The following RPL37 variants were observed in gnomAD, a reference collection of about 807,000 sequenced individuals.
RPL37 encodes ribosomal protein L37.
RPL37 carries 1 observed loss-of-function variant against 14.8 expected under a neutral mutation model. The observed-to-expected ratio is 0.07, with a 90% CI of 0.02 to 0.32. RPL37 has a LOEUF of 0.32. Ranked by LOEUF, RPL37 falls within the 10% of genes least tolerant of loss-of-function variation. RPL37 has a pLI of 1.00. For missense variants in RPL37, 100 were observed against 128.3 expected (o/e 0.78, Z 1.06); for synonymous variants, 53 against 45.8 (o/e 1.16, Z -0.63).
chr5:40,833,724 TTTAA>T (rs905571066), intron 3 of RPL37, among the ~76,000 whole-genome samples: 1 of 152,202 alleles, frequency 6.6e-6, no homozygotes, highest in African/African-American at 2.4e-5. Context: ...GCTCCTGTTA[TTTAA>T]TTTATACTAC....
chr5:40,835,138 G>A (rs1745737639), intron 1 of RPL37, 45 bp downstream of exon 1: 3 of 1,613,632 alleles, frequency 1.9e-6, no homozygotes, highest in African/African-American at 2.7e-5. Flanking sequence ...AGGCACAAAG[G>A]ACGAGGATGG....
In RPL37 at chr5:40,834,741, G is replaced by A. The variant is rs113513587; in HGVS notation, c.4-135C>T. The A allele has an allele frequency of 6.9e-3, 6,994 of 1,009,350 alleles. 336 individuals carry two copies. The African/African-American group carries it at 0.1, about 15-fold the overall frequency. The allele number at this position is 1,009,350 out of a possible 1,614,324, so 62.5% of individuals were successfully genotyped here. A position where few individuals can be genotyped will look rare whatever the true frequency, so the allele number is the denominator to read the frequency against. ...AACTGCGGGAGAAGCCTCTTTCCAC[G>A]AATGCCAAGTCAGAGACCACTACCC... On this transcript the variant is annotated intron_variant, in intron 1 of 3. Transcript: ENST00000274242.
chr5:40,834,366 TGTACGA>T, intron 2 of RPL37, 99 bp downstream of exon 2: 3 of 1,566,074 alleles, frequency 1.9e-6, no homozygotes, highest in Non-Finnish European at 2.6e-6. Context: ...GGCATACAGA[TGTACGA>T]GTTTTAAGAT....
chr5:40,828,341 T>C lies in RPL37; in HGVS notation c.*4163A>G, dbSNP rs1745562121. ...CTTCCACAAACATACATACAGTATA[T>C]ACATGATTGAAATCTGTCAGGGCAG... On this transcript the variant is annotated 3_prime_UTR_variant, in exon 4 of 4. Coordinates refer to ENST00000274242, the MANE Select transcript of RPL37 (RefSeq NM_000997.5). 6.6e-6 allele frequency: 1 copy of C among 152,244 alleles called. No homozygotes were observed. The allele number at this position is 152,244 out of a possible 1,614,324, so 9.4% of individuals were successfully genotyped here.
rs760326162 is a variant in RPL37, at chr5:40,834,263, T to G, written c.142A>C (p.Asn48His). Residue 48 changes from asparagine to histidine, a missense_variant and splice_region_variant, in exon 3 of 4, where the codon AAC becomes CAC. By Grantham distance (68) the Asn-to-His change is moderately conservative. Transcript: ENST00000274242. ...CGTCTTTTAGCCTTGGCACTCCAGT[T>G]ATCTAAAACATAAGTTCAGAAAAGA... ...GYPAKRKRKYNWSAKAKRRNT... is the reference protein window; with the variant it reads ...GYPAKRKRKYHWSAKAKRRNT... The G allele has an allele frequency of 1.2e-6, 2 of 1,613,886 alleles. No individual in the cohort carries two copies. The highest frequency in any genetic ancestry group is 2.2e-5 in the South Asian group (2 of 91,080).
In RPL37 at chr5:40,834,609, G is replaced by A. The variant is rs879118852; in HGVS notation, c.4-3C>T. On this transcript the variant is annotated splice_region_variant and splice_polypyrimidine_tract_variant and intron_variant, in intron 1 of 3. Transcript: ENST00000274242. ...CCAAACGATGACGTTCCCTTCGTCT[G>A]CACATTAAAGGAATAAATAGTTCTG... 3 of 1,608,894 alleles carry A rather than the reference G, an allele frequency of 1.9e-6. No individual in the cohort carries two copies. Among genetic ancestry groups the A allele is most frequent in the South Asian group, 2.2e-5 (2 of 90,204 alleles).
At position 40,831,380 on chromosome 5, in the gene RPL37, T is replaced by C. The variant is rs960283547; in HGVS notation, c.*1124A>G. The C allele has an allele frequency of 3.6e-4, 55 of 152,362 alleles. 1 individual carries two copies. The highest frequency in any genetic ancestry group is 1.2e-3 in the African/African-American group (50 of 41,444). 9.4% of individuals were successfully genotyped at this position (152,362 alleles called of 1,614,324 possible). A position where few individuals can be genotyped will look rare whatever the true frequency, so the allele number is the denominator to read the frequency against. Reference sequence around the variant, plus strand: ...AGCAGGGTTTCTTTATAAGTGAATGTTCTGAAGCTGAGACCTGAAGGGTAA... The same window carrying C: ...AGCAGGGTTTCTTTATAAGTGAATGCTCTGAAGCTGAGACCTGAAGGGTAA... On this transcript the variant is annotated 3_prime_UTR_variant, in exon 4 of 4. Transcript: ENST00000274242.
At chr5:40,832,710 T>A in intron 3 of RPL37, 137 bp from the exon 4 acceptor site, 1 of 779,434 alleles carries the variant, frequency 1.3e-6, no homozygotes, top group Non-Finnish European at 2.4e-6. Context: ...TTCAGACATT[T>A]ATTTTTACAA....
chr5:40,827,397 A>T lies in RPL37; in HGVS notation c.*5107T>A, dbSNP rs1228014719. ...CAGTTTAAAGCACACCCAAGCTATA[A>T]TTAAGATTACCTTCTGACGATTACA... On this transcript the variant is annotated 3_prime_UTR_variant, in exon 4 of 4. Transcript: ENST00000274242. 1 of 152,236 alleles carries T rather than the reference A, an allele frequency of 6.6e-6. No individual in the cohort carries two copies. Among genetic ancestry groups the T allele is most frequent in the East Asian group, 1.9e-4 (1 of 5,196 alleles). The allele number at this position is 152,236 out of a possible 1,614,324, so 9.4% of individuals were successfully genotyped here.
intron 3 of RPL37, among the ~76,000 whole-genome samples, chr5:40,833,057 T>C (rs1745677544): frequency 6.6e-6 from 1 of 152,212 alleles, no homozygotes; most frequent in African/African-American, 2.4e-5. Flanking sequence ...TATCCTACTT[T>C]TAAAAGCCTG....
In RPL37 at chr5:40,834,503, T is replaced by C; in HGVS notation, c.107A>G (p.Lys36Arg). The change falls in exon 2 of 4, where the codon AAA (lysine) becomes AGA (arginine). Residue 36 changes from lysine (K) to arginine (R), a missense_variant. By Grantham distance (26) the Lys-to-Arg change is conservative. Coordinates refer to ENST00000274242, the MANE Select transcript of RPL37 (RefSeq NM_000997.5). ...CTTGCGCTTGGCAGGGTAGCCACAT[T>C]TGCCACAGGTCGACTTCTGAAGGTG... ...AYHLQKSTCG[K>R]CGYPAKRKRK... The C allele has an allele frequency of 6.2e-7, 1 of 1,613,986 alleles. No homozygotes were observed. The highest frequency in any genetic ancestry group is 8.5e-7 in the Non-Finnish European group (1 of 1,180,010).
chr5:40,832,538 T>C lies in RPL37; in HGVS notation c.260A>G (p.Lys87Arg), dbSNP rs774858569. The change falls in exon 4 of 4, where the codon AAG becomes AGG. Residue 87 changes from lysine (K) to arginine (R), a missense_variant. Transcript: ENST00000274242. Reference sequence around the variant, plus strand: ...ACTGGATGCTGCAACAGCTGCCCTCTTGGGTTTAGGTGTTGTTCCTTCACG... The same window carrying C: ...ACTGGATGCTGCAACAGCTGCCCTCCTGGGTTTAGGTGTTGTTCCTTCACG... ...GFREGTTPKP[K>R]RAAVAASSSS 1 of 1,614,060 alleles carries C rather than the reference T, an allele frequency of 6.2e-7. No homozygotes were observed. The highest frequency in any genetic ancestry group is 8.5e-7 in the Non-Finnish European group (1 of 1,179,972).
At chr5:40,833,155 GA>G (rs1182747044) in intron 3 of RPL37, among the ~76,000 whole-genome samples, 4 of 152,162 alleles carry the variant, frequency 2.6e-5, no homozygotes, top group African/African-American at 9.7e-5. Context: ...TAAATGCAAA[GA>G]AAGTTGCTTC....
chr5:40,827,623 G>A lies in RPL37; in HGVS notation c.*4881C>T, dbSNP rs188522532. 7 of 152,164 alleles carry A rather than the reference G, an allele frequency of 4.6e-5. No individual in the cohort carries two copies. In the East Asian group the frequency reaches 1.2e-3, roughly 25 times the overall value. 9.4% of individuals were successfully genotyped at this position (152,164 alleles called of 1,614,324 possible). On this transcript the variant is annotated 3_prime_UTR_variant, in exon 4 of 4. Transcript: ENST00000274242. ...GATCTGAATCCAATCCACACACGATGCTTATTCTACATACTCGTGTACATG... is the reference window on the plus strand; with the variant it reads ...GATCTGAATCCAATCCACACACGATACTTATTCTACATACTCGTGTACATG...
rs1416047602 is a variant in RPL37 at position 40,827,083 on chromosome 5, A to G, written c.*5421T>C. On this transcript the variant is annotated 3_prime_UTR_variant, in exon 4 of 4. Transcript: ENST00000274242. Reference sequence around the variant, plus strand: ...CATGAACCTCCGAACCTGGCAGAGTATTTTAAATTGAGATGGGTCCATCAG... The same window carrying G: ...CATGAACCTCCGAACCTGGCAGAGTGTTTTAAATTGAGATGGGTCCATCAG... 1.3e-5 allele frequency: 2 copies of G among 152,238 alleles called. No individual in the cohort carries two copies. Among genetic ancestry groups the G allele is most frequent in the Non-Finnish European group, 2.9e-5 (2 of 68,078 alleles). The allele number at this position is 152,238 out of a possible 1,614,324, so 9.4% of individuals were successfully genotyped here. A position where few individuals can be genotyped will look rare whatever the true frequency, so the allele number is the denominator to read the frequency against.
chr5:40,834,311 C>A, intron 2 of RPL37, 46 bp from the exon 3 acceptor site: 2 of 1,586,454 alleles, frequency 1.3e-6, no homozygotes. Flanking sequence ...TTCTCCCACA[C>A]ACCTTGTAGG....
chr5:40,828,571 T>C lies in RPL37; in HGVS notation c.*3933A>G, dbSNP rs1251621199. 2 of 152,246 alleles carry C rather than the reference T, an allele frequency of 1.3e-5. No homozygotes were observed. The highest frequency in any genetic ancestry group is 4.8e-5 in the African/African-American group (2 of 41,458). The allele number at this position is 152,246 out of a possible 1,614,324, so 9.4% of individuals were successfully genotyped here. ...TTCCTCACTGCCCAATCTCGTGACCTCTTGGCAAACTGGTTTTTCTTTGCT... is the reference window on the plus strand; with the variant it reads ...TTCCTCACTGCCCAATCTCGTGACCCCTTGGCAAACTGGTTTTTCTTTGCT... On this transcript the variant is annotated 3_prime_UTR_variant, in exon 4 of 4. Transcript: ENST00000274242.
At position 40,830,472 on chromosome 5, in the gene RPL37, T is replaced by C. The variant is rs893183358; in HGVS notation, c.*2032A>G. 1.3e-5 allele frequency: 2 copies of C among 151,174 alleles called. No individual in the cohort carries two copies. The highest frequency in any genetic ancestry group is 4.9e-5 in the African/African-American group (2 of 40,980). The allele number at this position is 151,174 out of a possible 1,614,324, so 9.4% of individuals were successfully genotyped here. On this transcript the variant is annotated 3_prime_UTR_variant, in exon 4 of 4. Transcript: ENST00000274242. ...AAGATCCACTGCTTATTTTGTTTCA[T>C]TTGAAAATTTGAGTCATTAGTTCAA...
chr5:40,827,854 G>T lies in RPL37; in HGVS notation c.*4650C>A, dbSNP rs1328501483. 6.6e-6 allele frequency: 1 copy of T among 151,928 alleles called. No individual in the cohort carries two copies. Among genetic ancestry groups the T allele is most frequent in the Non-Finnish European group, 1.5e-5 (1 of 68,096 alleles). The allele number at this position is 151,928 out of a possible 1,614,324, so 9.4% of individuals were successfully genotyped here. On this transcript the variant is annotated 3_prime_UTR_variant, in exon 4 of 4. Coordinates refer to ENST00000274242, the MANE Select transcript of RPL37 (RefSeq NM_000997.5). ...AGCCTCCTGAGTAGCTGGGATTACA[G>T]GTGTGCACCACCAGGCCTGGCCAGT... is the stretch of plus-strand genomic sequence containing the variant.
Sources: allele counts gnomAD v4.1 joint callset (sites outside exome capture counted in the v4.1 genomes callset), GRCh38; gene constraint gnomAD v4.1.1; transcripts MANE v1.5; gene names NCBI Gene and HGNC (gene_info 2026-07-23, HGNC 2026-07-21).